Variants in SGSM1 observed in about 807,000 individuals in gnomAD.
The protein encoded by SGSM1 is RUN and TBC1 domain containing 2.
SGSM1 carries 73 observed loss-of-function variants against 133.8 expected under a neutral mutation model. The ratio of observed to expected loss-of-function variants is 0.55; its 90% CI spans 0.45 to 0.66. SGSM1 has a LOEUF of 0.66. SGSM1 is among the 30% of genes least tolerant of loss of function. The pLI, the probability that SGSM1 is intolerant of heterozygous loss-of-function variation, is 0.00. For missense variants in SGSM1, 1,213 were observed against 1,448.1 expected (o/e 0.84, Z 2.64); for synonymous variants, 563 against 573.0 (o/e 0.98, Z 0.25).
At chr22:24,811,553 A>G (rs1388811728) in intron 2 of SGSM1, among the ~76,000 whole-genome samples, 1 of 152,126 alleles carries the variant, frequency 6.6e-6, no homozygotes, top group East Asian at 1.9e-4. Flanking sequence ...TAGAAGAGAG[A>G]TTGGACTATG....
Position 24,855,531 on chromosome 22 carries a change from C to G in SGSM1, c.670-18C>G, listed in dbSNP as rs374139293. 22 of 1,613,766 alleles carry G rather than the reference C, an allele frequency of 1.4e-5. No individual in the cohort carries two copies. Among genetic ancestry groups the G allele is most frequent in the Middle Eastern group, 1.6e-4 (1 of 6,062 alleles). On this transcript the variant is annotated intron_variant, in intron 7 of 24. Transcript: ENST00000400358. ...CACCCCAGGCCTCATCCCTCTGTCT[C>G]CCGTCACTCTCTACCAGATCCAGAA...
chr22:24,850,324 C>T lies in SGSM1; in HGVS notation c.347C>T (p.Pro116Leu), dbSNP rs757023732. The T allele has an allele frequency of 2.2e-5, 35 of 1,612,830 alleles. No individual in the cohort carries two copies. In the East Asian group the frequency reaches 2.7e-4, roughly 12 times the overall value. Residue 116 changes from proline (P) to leucine (L), a missense_variant, in exon 5 of 25, where the codon CCG becomes CTG. Pro to Leu is a moderately conservative substitution (Grantham distance 98). Coordinates refer to ENST00000400358, the MANE Select transcript of SGSM1 (RefSeq NM_001098497.3). ...QGLQENVRKLPKLPNLSPLAI... is the reference protein window; with the variant it reads ...QGLQENVRKLLKLPNLSPLAI... The stretch of plus-strand genomic sequence containing the variant: ...CTCCAGGAGAATGTGCGGAAGCTGC[C>T]GAAGCTGCCCAACTTGTCCCCACTT...
chr22:24,834,936 A>G (rs1929338036), intron 2 of SGSM1, among the ~76,000 whole-genome samples: 1 of 151,882 alleles, frequency 6.6e-6, no homozygotes, highest in South Asian at 2.1e-4. Flanking sequence ...CGGGGATTGT[A>G]TTCGCGTGAT....
chr22:24,844,240 T>C (rs1205181229), intron 2 of SGSM1: 2 of 152,082 alleles, frequency 1.3e-5, no homozygotes, highest in Non-Finnish European at 2.9e-5. Flanking sequence ...ACAAATAGAA[T>C]GGGAATAGTG....
chr22:24,863,833 C>G (rs2147867520), intron 9 of SGSM1, among the ~76,000 whole-genome samples: 1 of 151,514 alleles, frequency 6.6e-6, no homozygotes, highest in Admixed American at 6.6e-5. Context: ...CCTCCGCCTC[C>G]CAGGTTCAAG....
At chr22:24,845,953 C>CTTTTCTTTTCTTTTCT (rs1463723067) in intron 3 of SGSM1, among the ~76,000 whole-genome samples, 26 of 78,144 alleles carry the variant, frequency 3.3e-4, no homozygotes, top group East Asian at 2.5e-3. Flanking sequence ...TTCTTTCTTT[C>CTTTTCTTTTCTTTTCT]TTTCTTTCTT....
chr22:24,821,673 G>T (rs905113781), intron 2 of SGSM1, among the ~76,000 whole-genome samples: 15 of 152,314 alleles, frequency 9.8e-5, no homozygotes, highest in African/African-American at 3.1e-4. Context: ...TGAAAGTCGG[G>T]ATCCCTGCTA....
rs778918440 is a variant in SGSM1, at chr22:24,912,644, G to C, written c.2820G>C (p.Glu940Asp). 6.2e-7 allele frequency: 1 copy of C among 1,608,968 alleles called. No individual in the cohort carries two copies. Among genetic ancestry groups the C allele is most frequent in the Non-Finnish European group, 8.5e-7 (1 of 1,176,684 alleles). The change falls in exon 22 of 25, where the codon GAG (glutamate) becomes GAC (aspartate). Residue 940 changes from glutamate (E) to aspartate (D), a missense_variant and splice_region_variant. By Grantham distance (45) the Glu-to-Asp change is conservative. Transcript: ENST00000400358. ...LAPLLVILDD[E>D]ALAFSCFTEL... ...GACTGTTCTGTGATGCTTTCTCAGA[G>C]GCCCTTGCCTTCAGCTGCTTCACGG... is the stretch of plus-strand genomic sequence containing the variant.
intron 18 of SGSM1, 79 bp downstream of exon 18, chr22:24,895,370 A>G (rs6004349): frequency 0.016 from 22,517 of 1,386,844 alleles, 1,018 homozygotes; most frequent in African/African-American, 0.13. Flanking sequence ...GGTGTCCGTC[A>G]TCTGTAGGTC....
At chr22:24,847,481 A>G (rs1930212833) in intron 3 of SGSM1, among the ~76,000 whole-genome samples, 153 bp from the exon 4 acceptor site, 1 of 152,188 alleles carries the variant, frequency 6.6e-6, no homozygotes, top group Non-Finnish European at 1.5e-5. Flanking sequence ...ATGCACCTAT[A>G]CAAGTGTGAG....
chr22:24,818,645 G>A (rs76221096), intron 2 of SGSM1, among the ~76,000 whole-genome samples: 1,652 of 151,914 alleles, frequency 0.011, 30 homozygotes, highest in African/African-American at 0.037. Context: ...GGGATTACAG[G>A]TGTGAGCCAC....
intron 2 of SGSM1, among the ~76,000 whole-genome samples, chr22:24,819,599 C>G (rs1928348212): frequency 6.6e-6 from 1 of 152,202 alleles, no homozygotes; most frequent in Non-Finnish European, 1.5e-5. Flanking sequence ...TGATCTGGCA[C>G]CAGCTATGTG....
chr22:24,806,435 C>G lies in SGSM1; in HGVS notation c.20-6C>G, dbSNP rs1234638145. The G allele has an allele frequency of 1.3e-6, 2 of 1,523,726 alleles. No individual in the cohort carries two copies. The highest frequency in any genetic ancestry group is 1.2e-5 in the South Asian group (1 of 81,826). The allele number at this position is 1,523,726 out of a possible 1,614,324, so 94.4% of individuals were successfully genotyped here. On this transcript the variant is annotated splice_region_variant and splice_polypyrimidine_tract_variant and intron_variant, in intron 1 of 24. Coordinates refer to ENST00000400358, the MANE Select transcript of SGSM1 (RefSeq NM_001098497.3). Reference sequence around the variant, plus strand: ...TGACCCGCGGCTCTCGTTTCTTGTCCCACAGAGGCGGAGACCCGACAGAGG... The same window carrying G: ...TGACCCGCGGCTCTCGTTTCTTGTCGCACAGAGGCGGAGACCCGACAGAGG...
At chr22:24,878,319 A>G (rs1932136397) in intron 13 of SGSM1, among the ~76,000 whole-genome samples, 3 of 152,148 alleles carry the variant, frequency 2.0e-5, no homozygotes, top group African/African-American at 7.2e-5. Context: ...CTCCTGTTGT[A>G]GCATCTGCTT....
chr22:24,834,704 C>T (rs764284799), intron 2 of SGSM1, among the ~76,000 whole-genome samples: 7 of 151,952 alleles, frequency 4.6e-5, no homozygotes, highest in Non-Finnish European at 7.4e-5. Context: ...TATAGGTGGC[C>T]ATCTTCTCCC....
intron 21 of SGSM1, 51 bp downstream of exon 21, chr22:24,905,238 G>A: frequency 6.5e-7 from 1 of 1,538,452 alleles, no homozygotes; most frequent in Non-Finnish European, 9.0e-7. Context: ...CCTTTCCACT[G>A]CATGGCAGAA....
In SGSM1 at chr22:24,844,877, C is replaced by A; in HGVS notation, c.64-20C>A. On this transcript the variant is annotated intron_variant, in intron 2 of 24. Coordinates refer to ENST00000400358, the MANE Select transcript of SGSM1 (RefSeq NM_001098497.3). ...TGGTCACCTTGGACCTCTTCCCCTCCGGTCACCTTTGCCTTCCAGGTGAAG... is the reference window on the plus strand; with the variant it reads ...TGGTCACCTTGGACCTCTTCCCCTCAGGTCACCTTTGCCTTCCAGGTGAAG... The A allele has an allele frequency of 6.2e-7, 1 of 1,612,788 alleles. No homozygotes were observed. The highest frequency in any genetic ancestry group is 8.5e-7 in the Non-Finnish European group (1 of 1,179,534).
At chr22:24,840,074 C>T (rs1298242345) in intron 2 of SGSM1, among the ~76,000 whole-genome samples, 1 of 151,678 alleles carries the variant, frequency 6.6e-6, no homozygotes, top group Non-Finnish European at 1.5e-5. Flanking sequence ...TCCCGAGTAG[C>T]TGGGACTACA....
intron 16 of SGSM1, among the ~76,000 whole-genome samples, chr22:24,887,531 A>G (rs1932686939): frequency 6.6e-6 from 1 of 152,200 alleles, no homozygotes; most frequent in Admixed American, 6.5e-5. Flanking sequence ...TTACAAATCA[A>G]GCTGTAATGA....
Sources: allele counts gnomAD v4.1 joint callset (sites outside exome capture counted in the v4.1 genomes callset), GRCh38; gene constraint gnomAD v4.1.1; transcripts MANE v1.5; gene names NCBI Gene and HGNC (gene_info 2026-07-23, HGNC 2026-07-21).